PRKD1: variants seen among roughly 807,000 people sequenced by gnomAD.
PRKD1 encodes the protein serine/threonine-protein kinase D1.
Under a neutral mutation model 95.9 loss-of-function variants are expected in PRKD1, and 63 were observed. That is an observed-to-expected ratio of 0.66 (90% CI 0.54 to 0.81). The LOEUF (loss-of-function observed/expected upper bound fraction) is 0.81. PRKD1 is among the 30% of genes least tolerant of loss of function. The pLI is 0.00. For missense variants in PRKD1, 1,048 were observed against 1,165.3 expected (o/e 0.90, Z 1.47); for synonymous variants, 425 against 423.1 (o/e 1.00, Z -0.05).
At chr14:29,655,896 G>A (rs951037356) in intron 4 of PRKD1, among the ~76,000 whole-genome samples, 29 of 150,300 alleles carry the variant, frequency 1.9e-4, no homozygotes, top group African/African-American at 4.6e-4. Flanking sequence ...CATGACACAC[G>A]TACCCTAGAA....
chr14:29,702,775 C>T (rs1186483547), intron 2 of PRKD1, among the ~76,000 whole-genome samples: 2 of 152,000 alleles, frequency 1.3e-5, no homozygotes, highest in Non-Finnish European at 1.5e-5. Context: ...TATTTTTGTA[C>T]ACTAATAAAT....
intron 13 of PRKD1, among the ~76,000 whole-genome samples, chr14:29,622,191 G>T (rs1879309799): frequency 6.6e-6 from 1 of 152,040 alleles, no homozygotes; most frequent in Admixed American, 6.6e-5. Context: ...TGCTGCTGCT[G>T]TTCTTAAGGA....
At chr14:29,600,175 T>C (rs962301041) in intron 13 of PRKD1, among the ~76,000 whole-genome samples, 1 of 152,180 alleles carries the variant, frequency 6.6e-6, no homozygotes, top group South Asian at 2.1e-4. Flanking sequence ...CTAGGCTATT[T>C]ATATACAATT....
intron 3 of PRKD1, among the ~76,000 whole-genome samples, chr14:29,665,513 G>C (rs1377033169): frequency 6.6e-6 from 1 of 152,078 alleles, no homozygotes; most frequent in East Asian, 1.9e-4. Flanking sequence ...ACTTCAGTTA[G>C]GATAATGGCC....
Position 29,578,290 on chromosome 14 carries a change from G to A in PRKD1, c.2505C>T (p.Ser835=), listed in dbSNP as rs775776939. 4.0e-5 allele frequency: 64 copies of A among 1,607,164 alleles called. No individual in the cohort carries two copies. The South Asian group carries it at 6.4e-4, about 16-fold the overall frequency. The change falls in exon 17 of 18, where the codon AGC becomes AGT. Residue 835 remains serine, a synonymous_variant. Coordinates refer to ENST00000331968, the MANE Select transcript of PRKD1 (RefSeq NM_002742.3). ...TATTGTTTACCTGTAGCCAAGGGTG[G>A]CTCAAGGTCTTATCCACACTGTAGC... ...RKRYSVDKTL[S]HPWLQDYQTW... is the part of the protein sequence containing the mutation.
intron 1 of PRKD1, among the ~76,000 whole-genome samples, chr14:29,754,050 C>G (rs1306237476): frequency 1.3e-5 from 2 of 152,162 alleles, no homozygotes; most frequent in African/African-American, 4.8e-5. Context: ...CCAGCAGTGC[C>G]TAAGGCTTCC....
chr14:29,597,487 T>C lies in PRKD1; in HGVS notation c.2434+4A>G, dbSNP rs956078676. On this transcript the variant is annotated splice_donor_region_variant and intron_variant, in intron 16 of 17. Coordinates refer to ENST00000331968, the MANE Select transcript of PRKD1 (RefSeq NM_002742.3). ...TATTATCATTTTTGAATGGAAGATA[T>C]TACCTTCATGAGATATTTCCTTCCA... The C allele has an allele frequency of 1.4e-5, 23 of 1,588,546 alleles. No homozygotes were observed. The highest frequency in any genetic ancestry group is 2.3e-5 in the East Asian group (1 of 44,362).
At chr14:29,847,595 A>T (rs1442538392) in intron 1 of PRKD1, among the ~76,000 whole-genome samples, 2 of 152,114 alleles carry the variant, frequency 1.3e-5, no homozygotes, top group Non-Finnish European at 2.9e-5. Flanking sequence ...TTTTGTAGGG[A>T]CTCTGATCAT....
In PRKD1 at chr14:29,894,521, C is replaced by T. The variant is rs184876050; in HGVS notation, c.264+32728G>A. Among the ~76,000 whole-genome samples, 142 of 152,264 alleles carry T rather than the reference C, an allele frequency of 9.3e-4. 3 individuals are homozygous for T. The highest frequency in any genetic ancestry group is 3.3e-3 in the African/African-American group (138 of 41,556). Reference sequence around the variant, plus strand: ...TAGTGGATATCATTGAAATGTTTTACACTGCAGCATGATTTAATGAGACCT... The same window carrying T: ...TAGTGGATATCATTGAAATGTTTTATACTGCAGCATGATTTAATGAGACCT... On this transcript the variant is annotated intron_variant, in intron 1 of 17. Transcript: ENST00000331968.
intron 16 of PRKD1, among the ~76,000 whole-genome samples, chr14:29,579,797 T>C (rs959899149): frequency 1.3e-5 from 2 of 152,208 alleles, no homozygotes; most frequent in Non-Finnish European, 2.9e-5. Context: ...ATTTAAATGT[T>C]GCCTATGCCT....
At chr14:29,637,436 G>A (rs1880459642) in intron 6 of PRKD1, among the ~76,000 whole-genome samples, 1 of 152,086 alleles carries the variant, frequency 6.6e-6, no homozygotes, top group Admixed American at 6.6e-5. Context: ...AGAGACTCTA[G>A]CCTGCCAAGC....
intron 1 of PRKD1, among the ~76,000 whole-genome samples, chr14:29,752,559 T>A (rs1887527101): frequency 6.6e-6 from 1 of 150,434 alleles, no homozygotes; most frequent in South Asian, 2.1e-4. Context: ...ATATTTATTA[T>A]TATATCCATA....
chr14:29,805,383 T>A (rs904765227), intron 1 of PRKD1, among the ~76,000 whole-genome samples: 1 of 152,210 alleles, frequency 6.6e-6, no homozygotes, highest in Non-Finnish European at 1.5e-5. Context: ...ACACTTAACT[T>A]ACTTCAAAGA....
chr14:29,598,499 G>A (rs1319370574), intron 15 of PRKD1, among the ~76,000 whole-genome samples: 2 of 151,770 alleles, frequency 1.3e-5, no homozygotes, highest in African/African-American at 4.8e-5. Flanking sequence ...TGAAGGATAA[G>A]TACAGAGATG....
At chr14:29,758,638 C>T (rs777384473) in intron 1 of PRKD1, among the ~76,000 whole-genome samples, 2 of 152,186 alleles carry the variant, frequency 1.3e-5, no homozygotes, top group Non-Finnish European at 2.9e-5. Context: ...CTCTAGAGCA[C>T]AAGAGAAAAA....
chr14:29,830,653 T>G lies in PRKD1; in HGVS notation c.264+96596A>C, dbSNP rs115289987. Among the ~76,000 whole-genome samples, 580 of 152,206 alleles carry G rather than the reference T, an allele frequency of 3.8e-3. 6 individuals carry two copies. Among genetic ancestry groups the G allele is most frequent in the African/African-American group, 0.012 (519 of 41,530 alleles). ...CTGGGAGTCATAAATATACTAAGCT[T>G]AACATAATATCCCATAGAAACTTTT... is the stretch of plus-strand genomic sequence containing the variant. On this transcript the variant is annotated intron_variant, in intron 1 of 17. Transcript: ENST00000331968.
intron 1 of PRKD1, among the ~76,000 whole-genome samples, chr14:29,814,098 CCTGA>C (rs1351048179): frequency 1.3e-5 from 2 of 152,194 alleles, no homozygotes; most frequent in Non-Finnish European, 2.9e-5. Flanking sequence ...TTCTCTCCAA[CCTGA>C]CTTTTTATTT....
chr14:29,769,198 C>A (rs1049626003), intron 1 of PRKD1, among the ~76,000 whole-genome samples: 1 of 152,144 alleles, frequency 6.6e-6, no homozygotes, highest in Non-Finnish European at 1.5e-5. Flanking sequence ...GTAGACCTAT[C>A]CTTCATGGGA....
At chr14:29,887,756 A>G (rs1181448128) in intron 1 of PRKD1, among the ~76,000 whole-genome samples, 1 of 152,210 alleles carries the variant, frequency 6.6e-6, no homozygotes, top group Non-Finnish European at 1.5e-5. Context: ...AATTGTCTAT[A>G]GTATTCAGTG....
Sources: allele counts gnomAD v4.1 joint callset (sites outside exome capture counted in the v4.1 genomes callset), GRCh38; gene constraint gnomAD v4.1.1; transcripts MANE v1.5; gene names NCBI Gene and HGNC (gene_info 2026-07-23, HGNC 2026-07-21).